IDE: variants seen among roughly 807,000 people sequenced by gnomAD.
The protein encoded by IDE is insulin degrading enzyme.
In IDE, 58 loss-of-function variants were observed where a neutral mutation model predicts 133.2. The observed-to-expected ratio is 0.44, with a 90% CI of 0.35 to 0.54. IDE has a LOEUF of 0.54. Ranked by LOEUF, IDE falls within the 20% of genes least tolerant of loss-of-function variation. The pLI, the probability that IDE is intolerant of heterozygous loss-of-function variation, is 0.00. For missense variants in IDE, 981 were observed against 1,234.0 expected (o/e 0.79, Z 3.07); for synonymous variants, 396 against 421.3 (o/e 0.94, Z 0.73).
chr10:92,459,531 C>T (rs1845242743), intron 22 of IDE, among the ~76,000 whole-genome samples: 1 of 152,118 alleles, frequency 6.6e-6, no homozygotes, highest in African/African-American at 2.4e-5. Context: ...ATGACAGATA[C>T]AAACCAGAAA....
At chr10:92,517,622 C>T (rs1420735029) in intron 4 of IDE, among the ~76,000 whole-genome samples, 1 of 152,048 alleles carries the variant, frequency 6.6e-6, no homozygotes, top group Admixed American at 6.6e-5. Flanking sequence ...GTCTATGTTA[C>T]CCAGGTTGGT....
chr10:92,568,712 A>G (rs1372040337), intron 1 of IDE, among the ~76,000 whole-genome samples: 1 of 152,094 alleles, frequency 6.6e-6, no homozygotes. Flanking sequence ...GCTACTTGGG[A>G]GGCTGAGGCA....
At chr10:92,513,336 G>A (rs1408591361) in intron 5 of IDE, among the ~76,000 whole-genome samples, 3 of 152,114 alleles carry the variant, frequency 2.0e-5, no homozygotes, top group South Asian at 2.1e-4. Flanking sequence ...GGGATTACAG[G>A]TGCCCGCCAC....
rs955572478 is a variant in IDE, at chr10:92,531,304, C to T, written c.661+444G>A. ...ATTGTAGCACTTTAAGAGCTGGGAT[C>T]TTGTGTGTCTTCTACAGTGTCCTAT... On this transcript the variant is annotated intron_variant, in intron 4 of 24. Transcript: ENST00000265986. Among the ~76,000 whole-genome samples, 5 of 152,276 alleles carry T rather than the reference C, an allele frequency of 3.3e-5. No homozygotes were observed. In the South Asian group the frequency reaches 8.3e-4, roughly 25 times the overall value.
At chr10:92,480,125 C>A (rs893437036) in intron 14 of IDE, among the ~76,000 whole-genome samples, 3 of 152,228 alleles carry the variant, frequency 2.0e-5, no homozygotes, top group Non-Finnish European at 2.9e-5. Flanking sequence ...AACTAAACTT[C>A]ATTTCCCAGA....
intron 11 of IDE, among the ~76,000 whole-genome samples, chr10:92,498,916 G>A (rs1321903544): frequency 6.6e-6 from 1 of 152,120 alleles, no homozygotes; most frequent in East Asian, 1.9e-4. Flanking sequence ...TTGGTAAGAG[G>A]TTTTATTTGT....
At chr10:92,513,087 GT>G (rs1263375897) in intron 5 of IDE, among the ~76,000 whole-genome samples, 1 of 152,202 alleles carries the variant, frequency 6.6e-6, no homozygotes, top group Non-Finnish European at 1.5e-5. Context: ...ACTGTAGAAT[GT>G]GAGTTCTTAA....
At chr10:92,514,870 A>T in intron 5 of IDE, 50 bp downstream of exon 5, 1 of 1,509,858 alleles carries the variant, frequency 6.6e-7, no homozygotes, top group Non-Finnish European at 9.1e-7. Flanking sequence ...AAAAGCCAAC[A>T]TTAAAAACTT....
At chr10:92,535,089 A>T (rs1163365684) in intron 2 of IDE, among the ~76,000 whole-genome samples, 1 of 151,664 alleles carries the variant, frequency 6.6e-6, no homozygotes, top group Non-Finnish European at 1.5e-5. Context: ...AAGAGGTAAA[A>T]TTTTCTTTTT....
intron 4 of IDE, among the ~76,000 whole-genome samples, chr10:92,527,021 A>G (rs1400812308): frequency 1.3e-5 from 2 of 152,070 alleles, no homozygotes; most frequent in African/African-American, 2.4e-5. Flanking sequence ...TTAAATTTCA[A>G]TGAGGTCAAG....
intron 15 of IDE, chr10:92,478,790 C>T (rs1374680486): frequency 1.7e-6 from 2 of 1,206,670 alleles, no homozygotes; most frequent in African/African-American, 3.2e-5. Context: ...AATGTAGCGA[C>T]TAACAAAAAG....
chr10:92,534,656 G>C lies in IDE; in HGVS notation c.413C>G (p.Ser138Ter). ...SQFLSEHAGS[S>*]NAFTSGEHTN... ...ATGCTCTCCACTAGTAAAGGCATTTGAACTTCCTGCATGCTCACTGAGAAA... is the reference window on the plus strand; with the variant it reads ...ATGCTCTCCACTAGTAAAGGCATTTCAACTTCCTGCATGCTCACTGAGAAA... Residue 138 changes from serine to a stop codon, truncating the protein, a stop_gained, in exon 3 of 25, where the codon TCA becomes TGA. Transcript: ENST00000265986. LOFTEE classifies it high-confidence loss of function. 6.2e-7 allele frequency: 1 copy of C among 1,613,734 alleles called. No homozygotes were observed. Among genetic ancestry groups the C allele is most frequent in the Non-Finnish European group, 8.5e-7 (1 of 1,179,778 alleles).
chr10:92,513,518 TG>T (rs1365020462), intron 5 of IDE, among the ~76,000 whole-genome samples: 1 of 152,042 alleles, frequency 6.6e-6, no homozygotes, highest in African/African-American at 2.4e-5. Context: ...AAAAATTTTG[TG>T]GGGGGGATAT....
chr10:92,509,642 TG>T (rs1422866910), intron 6 of IDE, among the ~76,000 whole-genome samples: 2 of 151,498 alleles, frequency 1.3e-5, no homozygotes, highest in African/African-American at 4.9e-5. Flanking sequence ...ACATAGGGGC[TG>T]GGTGCAGTGG....
chr10:92,530,631 T>C (rs1469441224), intron 4 of IDE, among the ~76,000 whole-genome samples: 1 of 152,194 alleles, frequency 6.6e-6, no homozygotes, highest in Non-Finnish European at 1.5e-5. Flanking sequence ...TGACATACCA[T>C]GTATACTGAT....
chr10:92,561,925 A>G (rs1843304400), intron 1 of IDE, among the ~76,000 whole-genome samples: 1 of 152,174 alleles, frequency 6.6e-6, no homozygotes, highest in South Asian at 2.1e-4. Context: ...TATGTCTGAA[A>G]ACTACTAAGA....
At chr10:92,467,337 T>A (rs889980924) in intron 19 of IDE, among the ~76,000 whole-genome samples, 2 of 152,230 alleles carry the variant, frequency 1.3e-5, no homozygotes, top group South Asian at 4.1e-4. Context: ...CCTCCCAAAG[T>A]GCTGGGATTA....
chr10:92,522,851 T>G (rs1055420047), intron 4 of IDE, among the ~76,000 whole-genome samples: 8 of 152,100 alleles, frequency 5.3e-5, no homozygotes, highest in Non-Finnish European at 1.0e-4. Context: ...GTGCTTAGCA[T>G]AGCACTCAAT....
intron 4 of IDE, 142 bp from the exon 5 acceptor site, chr10:92,515,184 T>G (rs1351960000): frequency 1.5e-6 from 1 of 650,476 alleles, no homozygotes; most frequent in African/African-American, 1.8e-5. Flanking sequence ...ATTTGAATGT[T>G]AAGTGAATAA....
Sources: allele counts gnomAD v4.1 joint callset (sites outside exome capture counted in the v4.1 genomes callset), GRCh38; gene constraint gnomAD v4.1.1; transcripts MANE v1.5; gene names NCBI Gene and HGNC (gene_info 2026-07-23, HGNC 2026-07-21).